Variants in NBN observed in about 807,000 individuals in gnomAD.
NBN encodes the protein nibrin, also known as Nijmegen breakage syndrome 1 (nibrin).
NBN carries 88 observed loss-of-function variants against 90.8 expected under a neutral mutation model. The ratio of observed to expected loss-of-function variants is 0.97; its 90% CI spans 0.82 to 1.16. The LOEUF is 1.16. NBN is among the 50% of genes most tolerant of loss of function. The pLI is 0.00. For missense variants in NBN, 894 were observed against 869.6 expected, an observed-to-expected ratio of 1.03 and a Z score of -0.35; for synonymous variants, 328 against 295.1, an observed-to-expected ratio of 1.11 and a Z score of -1.14.
intron 15 of NBN, among the ~76,000 whole-genome samples, chr8:89,936,605 C>T (rs929643105): frequency 1.3e-5 from 2 of 152,082 alleles, no homozygotes; most frequent in Admixed American, 1.3e-4. Context: ...ACTCTAAAAC[C>T]TCCCACAAAA....
At chr8:89,981,713 T>C (rs1199802126) in intron 2 of NBN, 190 bp from the exon 3 acceptor site, 2 of 650,110 alleles carry the variant, frequency 3.1e-6, no homozygotes, top group African/African-American at 1.8e-5. Flanking sequence ...TTAGGGAAGT[T>C]TCTTAACCCA....
chr8:89,969,757 G>A (rs542612247), intron 7 of NBN, among the ~76,000 whole-genome samples: 123 of 152,190 alleles, frequency 8.1e-4, no homozygotes, highest in African/African-American at 2.8e-3. Flanking sequence ...TTTGAGACCA[G>A]GCTGGCCAAC....
chr8:89,951,286 T>C (rs1415836445), intron 11 of NBN, among the ~76,000 whole-genome samples: 1 of 124,144 alleles, frequency 8.1e-6, no homozygotes, highest in Non-Finnish European at 1.6e-5. Context: ...AACTCCAGCC[T>C]GGGTGACAGA....
intron 1 of NBN, 129 bp downstream of exon 1, chr8:89,984,396 C>T: frequency 2.3e-6 from 2 of 867,692 alleles, no homozygotes; most frequent in Admixed American, 4.2e-5. Context: ...AGCGTACTCG[C>T]CGCTTCTGCG....
intron 5 of NBN, among the ~76,000 whole-genome samples, chr8:89,974,390 T>C (rs1017847343): frequency 1.3e-4 from 20 of 152,008 alleles, no homozygotes; most frequent in Admixed American, 2.6e-4. Flanking sequence ...AAATTAACTA[T>C]GTAAGGTGAC....
intron 8 of NBN, among the ~76,000 whole-genome samples, chr8:89,959,255 C>A (rs1810880043): frequency 6.6e-6 from 1 of 152,186 alleles, no homozygotes; most frequent in South Asian, 2.1e-4. Context: ...ATAAGGAATA[C>A]ATTATTTGAA....
intron 13 of NBN, 121 bp from the exon 14 acceptor site, chr8:89,943,487 T>C: frequency 9.4e-7 from 1 of 1,058,848 alleles, no homozygotes; most frequent in East Asian, 2.6e-5. Flanking sequence ...GTTTATATTC[T>C]ACAAATAAAA....
At position 89,970,467 on chromosome 8, in the gene NBN, C is replaced by A. The variant is rs876658382; in HGVS notation, c.793G>T (p.Ala265Ser). The change falls in exon 7 of 16, where the codon GCT (alanine) becomes TCT (serine). Residue 265 changes from alanine (A) to serine (S), a missense_variant. Transcript: ENST00000265433. ...GTATCAACAACACACGTTCCCGGAG[C>A]CAAAAAGAAATTATGTTCTTCTTCA... ...ENEEEHNFFL[A>S]PGTCVVDTGI... is the part of the protein sequence containing the mutation. 1 of 1,613,894 alleles carries A rather than the reference C, an allele frequency of 6.2e-7. No homozygotes were observed. Among genetic ancestry groups the A allele is most frequent in the Non-Finnish European group, 8.5e-7 (1 of 1,179,882 alleles).
At chr8:89,961,215 AT>A (rs1403101031) in intron 8 of NBN, among the ~76,000 whole-genome samples, 1 of 152,218 alleles carries the variant, frequency 6.6e-6, no homozygotes, top group Non-Finnish European at 1.5e-5. Context: ...TATAAACACA[AT>A]TTCAACAGTG....
In NBN at chr8:89,933,760, A is replaced by C. The variant is rs1170035502; in HGVS notation, c.*1822T>G. ...ATAAATTTGACCTTGTCAAAATTTAAAACTTCTATTCATCAAAAGACATAA... is the reference window on the plus strand; with the variant it reads ...ATAAATTTGACCTTGTCAAAATTTACAACTTCTATTCATCAAAAGACATAA... On this transcript the variant is annotated 3_prime_UTR_variant, in exon 16 of 16. Coordinates refer to ENST00000265433, the MANE Select transcript of NBN (RefSeq NM_002485.5). 4.3e-6 allele frequency: 1 copy of C among 232,590 alleles called. No homozygotes were observed. The highest frequency in any genetic ancestry group is 8.5e-6 in the Non-Finnish European group (1 of 117,666). The allele number at this position is 232,590 out of a possible 1,614,324, so 14.4% of individuals were successfully genotyped here.
chr8:89,948,638 G>GT (rs1293879112), intron 11 of NBN, among the ~76,000 whole-genome samples: 2 of 152,138 alleles, frequency 1.3e-5, no homozygotes, highest in African/African-American at 4.8e-5. Flanking sequence ...TAATACAGCA[G>GT]TAAGTCTTAA....
At chr8:89,978,624 A>G (rs1299168640) in intron 4 of NBN, among the ~76,000 whole-genome samples, 2 of 152,204 alleles carry the variant, frequency 1.3e-5, no homozygotes, top group South Asian at 2.1e-4. Context: ...ATAAAATTCA[A>G]TTTTAAAATG....
chr8:89,978,177 T>A, intron 5 of NBN, 43 bp downstream of exon 5: 1 of 1,498,382 alleles, frequency 6.7e-7, no homozygotes. Context: ...ATCAATGCTA[T>A]CATATAAGTG....
In NBN at chr8:89,936,978, T is replaced by A. The variant is rs748182620; in HGVS notation, c.2234+48A>T. The A allele has an allele frequency of 4.1e-6, 6 of 1,451,778 alleles. No homozygotes were observed. The Admixed American group carries it at 1.0e-4, about 24-fold the overall frequency. The allele number at this position is 1,451,778 out of a possible 1,614,324, so 89.9% of individuals were successfully genotyped here. A position where few individuals can be genotyped will look rare whatever the true frequency, so the allele number is the denominator to read the frequency against. ...TAATTTCTATGAACAGAACTAAATT[T>A]TATATACATCTCTCAAAGGTACATG... On this transcript the variant is annotated intron_variant, in intron 15 of 15. Coordinates refer to ENST00000265433, the MANE Select transcript of NBN (RefSeq NM_002485.5).
rs561103577 is a variant in NBN, at chr8:89,933,901, T to C, written c.*1681A>G. ...GACCCAATTATAGCTATCAGGGATA[T>C]ACAAATTAAAACCAAAATGAAACAT... On this transcript the variant is annotated 3_prime_UTR_variant, in exon 16 of 16. Transcript: ENST00000265433. The C allele has an allele frequency of 1.5e-4, 35 of 231,992 alleles. No homozygotes were observed. Among genetic ancestry groups the C allele is most frequent in the African/African-American group, 7.7e-4 (35 of 45,348 alleles). 14.4% of individuals were successfully genotyped at this position (231,992 alleles called of 1,614,324 possible). A position where few individuals can be genotyped will look rare whatever the true frequency, so the allele number is the denominator to read the frequency against.
At chr8:89,981,561 T>G (rs1211053492) in intron 2 of NBN, 38 bp from the exon 3 acceptor site, 1 of 1,607,290 alleles carries the variant, frequency 6.2e-7, no homozygotes, top group African/African-American at 1.3e-5. Context: ...CTTTTACCAC[T>G]CAGTACATTC....
intron 7 of NBN, among the ~76,000 whole-genome samples, chr8:89,967,642 GA>G (rs1332034882): frequency 6.6e-6 from 1 of 152,082 alleles, no homozygotes; most frequent in African/African-American, 2.4e-5. Flanking sequence ...ATAACAGGAA[GA>G]GTTACCAAAT....
At chr8:89,977,852 A>C (rs1165627144) in intron 5 of NBN, among the ~76,000 whole-genome samples, 1 of 152,184 alleles carries the variant, frequency 6.6e-6, no homozygotes, top group Non-Finnish European at 1.5e-5. Flanking sequence ...AATATTCTGG[A>C]CTATGTGGCT....
At chr8:89,944,978 G>A (rs570517127) in intron 13 of NBN, among the ~76,000 whole-genome samples, 1 of 152,256 alleles carries the variant, frequency 6.6e-6, no homozygotes, top group South Asian at 2.1e-4. Flanking sequence ...TTCTTCTGTA[G>A]TTTCAGAACA....
Sources: allele counts gnomAD v4.1 joint callset (sites outside exome capture counted in the v4.1 genomes callset), GRCh38; gene constraint gnomAD v4.1.1; transcripts MANE v1.5; gene names NCBI Gene and HGNC (gene_info 2026-07-23, HGNC 2026-07-21).